Variants in LRP2 observed in about 807,000 individuals in gnomAD.
LRP2 encodes the protein low-density lipoprotein receptor-related protein 2.
A neutral mutation model predicts 531.0 loss-of-function variants in LRP2; 172 were observed. The observed-to-expected ratio is 0.32, with a 90% CI of 0.29 to 0.37. LRP2 has a LOEUF of 0.37. Ranked by LOEUF, LRP2 falls within the 10% of genes least tolerant of loss-of-function variation. The probability of loss-of-function intolerance (pLI) is 1.00; values close to 1 mark genes in which losing one functional copy is unlikely to be tolerated. For missense variants in LRP2, 5,167 were observed against 5,868.3 expected, an observed-to-expected ratio of 0.88 and a Z score of 3.90; for synonymous variants, 1,992 against 2,027.6, an observed-to-expected ratio of 0.98 and a Z score of 0.47.
intron 3 of LRP2, among the ~76,000 whole-genome samples, chr2:169,312,842 A>G (rs946893142): frequency 1.3e-5 from 2 of 152,190 alleles, no homozygotes; most frequent in African/African-American, 2.4e-5. Context: ...AGGTACAACA[A>G]TCAGACGTAG....
chr2:169,259,980 G>A (rs830982), intron 16 of LRP2, among the ~76,000 whole-genome samples: 95,180 of 151,942 alleles, frequency 0.63, 30,136 homozygotes, highest in Non-Finnish European at 0.67. Context: ...AATATTGTTA[G>A]TAGTGTTAAT....
Position 169,307,306 on chromosome 2 carries a change from G to C in LRP2, c.402C>G (p.Pro134=), listed in dbSNP as rs34104660. The change falls in exon 4 of 79, where the codon CCC becomes CCG. Residue 134 remains proline (P), a synonymous_variant. Transcript: ENST00000649046. ...EYRCDHVRDC[P]DGADENDCQY... The stretch of plus-strand genomic sequence containing the variant: ...GGCAGTCATTCTCATCAGCTCCATC[G>C]GGGCAGTCTCTGACGTGGTCGCACC... 6.2e-7 allele frequency: 1 copy of C among 1,611,926 alleles called. No homozygotes were observed.
chr2:169,290,862 C>T lies in LRP2; in HGVS notation c.905G>A (p.Ser302Asn), dbSNP rs781445615. ...CPGREDENNT[S>N]TGKYCSMTLC... The stretch of plus-strand genomic sequence containing the variant: ...ATACTCACTACAGTATTTTCCGGTA[C>T]TAGTGTTGTTTTCATCTTCTCTTCC... The change falls in exon 8 of 79, where the codon AGT (serine) becomes AAT (asparagine). Residue 302 changes from serine to asparagine, a missense_variant. This residue lies in a region of LRP2 where 2,811 missense variants were observed against 3,058.0 expected (regional missense o/e 0.92). Transcript: ENST00000649046. 6.2e-7 allele frequency: 1 copy of T among 1,614,062 alleles called. No homozygotes were observed. Among genetic ancestry groups the T allele is most frequent in the South Asian group, 1.1e-5 (1 of 91,072 alleles).
intron 3 of LRP2, among the ~76,000 whole-genome samples, chr2:169,309,281 G>A (rs1183241081): frequency 2.6e-5 from 4 of 152,156 alleles, no homozygotes; most frequent in Non-Finnish European, 5.9e-5. Flanking sequence ...TGGTGTTTTA[G>A]ACATGAAGTC....
chr2:169,292,832 CAAAAAAAAAAAA>C lies in LRP2; in HGVS notation c.653-475_653-464del, dbSNP rs59783436. ...TGGGTGACAGAGTGAGACCCTGTCT[CAAAAAAAAAAAA>C]AAAAAAAAAAAAAATTAAAAACAAG... On this transcript the variant is annotated intron_variant, in intron 6 of 78. Coordinates refer to ENST00000649046, the MANE Select transcript of LRP2 (RefSeq NM_004525.3). 6.4e-4 allele frequency among the ~76,000 whole-genome samples: 68 copies of C among 107,054 alleles called. 1 individual carries two copies. The highest frequency in any genetic ancestry group is 2.7e-3 in the South Asian group (8 of 2,924). 70.2% of individuals were successfully genotyped at this position (107,054 alleles called of 152,430 possible). A position where few individuals can be genotyped will look rare whatever the true frequency, so the allele number is the denominator to read the frequency against.
chr2:169,171,128 T>G (rs923146297), intron 58 of LRP2, among the ~76,000 whole-genome samples: 2 of 152,100 alleles, frequency 1.3e-5, no homozygotes, highest in Non-Finnish European at 2.9e-5. Flanking sequence ...CAACATTGAC[T>G]TTTATTAATA....
Position 169,206,114 on chromosome 2 carries a change from T to G in LRP2, c.7465A>C (p.Met2489Leu). ...RIYYSDYLNQ[M>L]INSMAEDGSN... ...CCATCTTCAGCCATGGAATTAATCATCTGGTTGAGGTAGTCACTGTAATAA... is the reference window on the plus strand; with the variant it reads ...CCATCTTCAGCCATGGAATTAATCAGCTGGTTGAGGTAGTCACTGTAATAA... Residue 2489 changes from methionine to leucine, a missense_variant, in exon 40 of 79, where the codon ATG (methionine) becomes CTG (leucine). Physicochemically the swap from Met to Leu is conservative, Grantham distance 15. Transcript: ENST00000649046. 6.2e-7 allele frequency: 1 copy of G among 1,614,208 alleles called. No homozygotes were observed. Among genetic ancestry groups the G allele is most frequent in the Non-Finnish European group, 8.5e-7 (1 of 1,180,030 alleles).
chr2:169,344,042 G>A (rs1685633865), intron 1 of LRP2, among the ~76,000 whole-genome samples: 1 of 152,160 alleles, frequency 6.6e-6, no homozygotes, highest in Non-Finnish European at 1.5e-5. Context: ...GTCCTACAGT[G>A]AAAATCCTCA....
intron 76 of LRP2, among the ~76,000 whole-genome samples, chr2:169,136,018 G>C (rs941814645): frequency 6.6e-6 from 1 of 152,050 alleles, no homozygotes; most frequent in Non-Finnish European, 1.5e-5. Flanking sequence ...GGGCTATGCC[G>C]AACCTCCTTG....
chr2:169,297,000 C>T (rs569650844), intron 4 of LRP2, among the ~76,000 whole-genome samples: 3 of 152,296 alleles, frequency 2.0e-5, no homozygotes, highest in South Asian at 2.1e-4. Context: ...TCAACCCCTG[C>T]ACACCTTGAT....
At chr2:169,271,637 ACACAC>A (rs974893160) in intron 15 of LRP2, 36 of 507,902 alleles carry the variant, frequency 7.1e-5, no homozygotes, top group African/African-American at 6.5e-4. Flanking sequence ...ACACACACAC[ACACAC>A]ACACACACAC....
chr2:169,336,306 G>A (rs1034691944), intron 1 of LRP2, among the ~76,000 whole-genome samples: 16 of 152,098 alleles, frequency 1.1e-4, no homozygotes, highest in African/African-American at 2.2e-4. Flanking sequence ...GGGAGGCTGA[G>A]GCAGTTGGAT....
At chr2:169,244,640 T>G in intron 22 of LRP2, 53 bp downstream of exon 22, 1 of 1,612,866 alleles carries the variant, frequency 6.2e-7, no homozygotes, top group Non-Finnish European at 8.5e-7. Context: ...CATTTGGTTG[T>G]TGAAGTCTAT....
intron 4 of LRP2, among the ~76,000 whole-genome samples, chr2:169,304,956 A>C (rs1684376910): frequency 6.6e-6 from 1 of 152,170 alleles, no homozygotes; most frequent in African/African-American, 2.4e-5. Flanking sequence ...CAGCAAACTA[A>C]CACAGGAATA....
Position 169,282,731 on chromosome 2 carries a change from A to G in LRP2, c.1171+142T>C, listed in dbSNP as rs562550906. The G allele has an allele frequency of 5.2e-5, 46 of 888,800 alleles. No homozygotes were observed. In the Admixed American group the frequency reaches 7.1e-4, roughly 14 times the overall value. The allele number at this position is 888,800 out of a possible 1,614,324, so 55.1% of individuals were successfully genotyped here. ...TTAATGTTGACCAATTTTTCTAGGC[A>G]GTAGGAGCCATCCCTGATTTGTAAT... On this transcript the variant is annotated intron_variant, in intron 10 of 78. Coordinates refer to ENST00000649046, the MANE Select transcript of LRP2 (RefSeq NM_004525.3).
Position 169,289,162 on chromosome 2 carries a change from A to G in LRP2, c.923-17T>C, listed in dbSNP as rs747763860. ...GAGTCATACCTAAACGAAGAAAAGA[A>G]CTTTGTTAAATGAATGGTGACCTCT... On this transcript the variant is annotated splice_polypyrimidine_tract_variant and intron_variant, in intron 8 of 78. Coordinates refer to ENST00000649046, the MANE Select transcript of LRP2 (RefSeq NM_004525.3). The G allele has an allele frequency of 3.1e-6, 5 of 1,613,818 alleles. No homozygotes were observed. In the South Asian group the frequency reaches 4.4e-5, roughly 14 times the overall value.
rs1435096322 is a variant in LRP2 at position 169,221,907 on chromosome 2, C to T, written c.5539-1344G>A. On this transcript the variant is annotated intron_variant, in intron 33 of 78. Coordinates refer to ENST00000649046, the MANE Select transcript of LRP2 (RefSeq NM_004525.3). ...CTTGCTTTCTGGAATATATAGAGCTCTCTCTCACACGGCCATTCTGTAGGC... is the reference window on the plus strand; with the variant it reads ...CTTGCTTTCTGGAATATATAGAGCTTTCTCTCACACGGCCATTCTGTAGGC... Among the ~76,000 whole-genome samples the T allele has an allele frequency of 3.4e-5, 5 of 148,860 alleles. No homozygotes were observed. The South Asian group carries it at 6.7e-4, about 20-fold the overall frequency.
rs766261251 is a variant in LRP2, at chr2:169,213,626, C to T, written c.6040+31G>A. Reference sequence around the variant, plus strand: ...TTATGTGTGAATATGCATTATACACCCATGAATGTATTTCAGTGACAAATA... The same window carrying T: ...TTATGTGTGAATATGCATTATACACTCATGAATGTATTTCAGTGACAAATA... On this transcript the variant is annotated intron_variant, in intron 36 of 78. Transcript: ENST00000649046. The T allele has an allele frequency of 1.2e-5, 18 of 1,530,954 alleles. No homozygotes were observed. In the South Asian group the frequency reaches 1.9e-4, roughly 16 times the overall value. 94.8% of individuals were successfully genotyped at this position (1,530,954 alleles called of 1,614,324 possible).
At chr2:169,247,092 C>A in intron 20 of LRP2, 106 bp from the exon 21 acceptor site, 2 of 1,320,912 alleles carry the variant, frequency 1.5e-6, no homozygotes, top group Non-Finnish European at 2.1e-6. Flanking sequence ...TTTTTCAGAC[C>A]CAATACTAAA....
Sources: allele counts gnomAD v4.1 joint callset (sites outside exome capture counted in the v4.1 genomes callset), GRCh38; gene constraint gnomAD v4.1.1; regional missense constraint gnomAD v4.1.1; transcripts MANE v1.5; gene names NCBI Gene and HGNC (gene_info 2026-07-23, HGNC 2026-07-21).